INPP5F: variants seen among roughly 807,000 people sequenced by gnomAD.
The protein encoded by INPP5F is inositol polyphosphate-5-phosphatase F, also known as phosphatidylinositide 4-phosphatase SAC2.
In INPP5F, 97 loss-of-function variants were observed where a neutral mutation model predicts 137.2. The observed-to-expected ratio is 0.71, with a 90% CI of 0.60 to 0.84. The LOEUF (loss-of-function observed/expected upper bound fraction) is 0.84. Among genes scored for constraint, INPP5F ranks in the 40% least tolerant of loss-of-function variants. The probability of loss-of-function intolerance (pLI) is 0.00; values close to 1 mark genes in which losing one functional copy is unlikely to be tolerated. For synonymous variants in INPP5F, 504 were observed against 476.9 expected (o/e 1.06, Z -0.74); for missense variants, 1,271 against 1,371.9 (o/e 0.93, Z 1.16).
intron 14 of INPP5F, 114 bp downstream of exon 14, chr10:119,810,331 G>A (rs1288996761): frequency 2.0e-5 from 11 of 562,200 alleles, no homozygotes; most frequent in Non-Finnish European, 1.6e-5. Context: ...TTGTGTTTCT[G>A]TATTGAGCAT....
In INPP5F at chr10:119,807,965, C is replaced by T. The variant is rs1368560362; in HGVS notation, c.1474C>T (p.Pro492Ser). The T allele has an allele frequency of 6.2e-7, 1 of 1,613,692 alleles. No homozygotes were observed. ...KKLGVMPPEQ[P>S]LPVKCNRIYQ... ...ATTAGGTGTGATGCCCCCGGAACAG[C>T]CATTACCTGTGAAATGTAATCGCAT... The change falls in exon 13 of 20, where the codon CCA (proline) becomes TCA (serine). Residue 492 changes from proline (P) to serine (S), a missense_variant. Around this residue, in one of 6 missense-constraint regions of INPP5F, gnomAD observed 593 missense variants for 712.4 expected, o/e 0.83. Transcript: ENST00000650623.
intron 1 of INPP5F, among the ~76,000 whole-genome samples, chr10:119,737,307 C>A (rs573203250): frequency 3.2e-4 from 48 of 152,216 alleles, no homozygotes; most frequent in African/African-American, 1.1e-3. Context: ...GTTGTATGTG[C>A]TACAGGCATC....
Position 119,823,210 on chromosome 10 carries a change from G to A in INPP5F, c.2161+11G>A. ...AAGAGGATGGAAAAGGTAAAAAGAGGAAGAGATGAAAGTATTCAGTGAAAA... is the reference window on the plus strand; with the variant it reads ...AAGAGGATGGAAAAGGTAAAAAGAGAAAGAGATGAAAGTATTCAGTGAAAA... On this transcript the variant is annotated intron_variant, in intron 18 of 19. Transcript: ENST00000650623. 1.2e-6 allele frequency: 2 copies of A among 1,609,894 alleles called. No homozygotes were observed. The highest frequency in any genetic ancestry group is 1.7e-6 in the Non-Finnish European group (2 of 1,178,536).
chr10:119,818,106 C>T (rs1851358974), intron 15 of INPP5F, among the ~76,000 whole-genome samples: 1 of 152,270 alleles, frequency 6.6e-6, no homozygotes, highest in Non-Finnish European at 1.5e-5. Flanking sequence ...CCTGGCCCTT[C>T]TCCCATGCAA....
intron 2 of INPP5F, among the ~76,000 whole-genome samples, chr10:119,773,096 G>T (rs926707326): frequency 6.6e-6 from 1 of 151,898 alleles, no homozygotes. Flanking sequence ...TTACTCTGTT[G>T]CCCAGGATGG....
At chr10:119,764,894 A>G (rs908869585) in intron 2 of INPP5F, among the ~76,000 whole-genome samples, 7 of 151,286 alleles carry the variant, frequency 4.6e-5, no homozygotes, top group African/African-American at 1.7e-4. Context: ...GGTTTTCTTA[A>G]TAACATTTTC....
Position 119,748,329 on chromosome 10 carries a change from C to T in INPP5F, c.98-2747C>T, listed in dbSNP as rs1410900132. Among the ~76,000 whole-genome samples the T allele has an allele frequency of 6.6e-6, 1 of 152,244 alleles. No individual in the cohort carries two copies. The highest frequency in any genetic ancestry group is 1.5e-5 in the Non-Finnish European group (1 of 68,042). ...CAGGAACTGCAGAGCCCCACTGTCA[C>T]AGCCCTGGCTCGGAGAGCCCCTAGG... On this transcript the variant is annotated intron_variant, in intron 1 of 19. Coordinates refer to ENST00000650623, the MANE Select transcript of INPP5F (RefSeq NM_014937.4). The surrounding 1 kb of genome is among the most constrained non-coding windows in gnomAD (Gnocchi z 4.7).
intron 1 of INPP5F, among the ~76,000 whole-genome samples, chr10:119,745,336 C>T (rs550819451): frequency 1.3e-5 from 2 of 151,730 alleles, no homozygotes; most frequent in East Asian, 3.9e-4. Context: ...GTTTTTAAAT[C>T]TTTTTTTGTT....
intron 19 of INPP5F, among the ~76,000 whole-genome samples, chr10:119,825,666 C>T (rs1851728449): frequency 6.6e-6 from 1 of 152,126 alleles, no homozygotes; most frequent in South Asian, 2.1e-4. Context: ...AAACACTAGG[C>T]TTTTGAATTT....
intron 9 of INPP5F, 117 bp from the exon 10 acceptor site, chr10:119,804,056 A>G: frequency 2.9e-6 from 2 of 680,052 alleles, no homozygotes. Flanking sequence ...AAATATTTCT[A>G]ACACATAATT....
At chr10:119,749,220 A>G (rs1281131763) in intron 1 of INPP5F, among the ~76,000 whole-genome samples, 1 of 152,152 alleles carries the variant, frequency 6.6e-6, no homozygotes, top group East Asian at 1.9e-4. Context: ...AGGAATGCCC[A>G]GGTCTGGAGC....
At chr10:119,801,310 C>T (rs968195401) in intron 9 of INPP5F, among the ~76,000 whole-genome samples, 1 of 152,148 alleles carries the variant, frequency 6.6e-6, no homozygotes, top group Admixed American at 6.5e-5. Flanking sequence ...AAAATTAGGT[C>T]ATTTACATAC....
At chr10:119,751,783 T>C (rs1041726510) in intron 2 of INPP5F, among the ~76,000 whole-genome samples, 1 of 152,206 alleles carries the variant, frequency 6.6e-6, no homozygotes, top group Admixed American at 6.5e-5. Context: ...TCTTTTTTGG[T>C]GCCTTACCCT....
intron 3 of INPP5F, among the ~76,000 whole-genome samples, chr10:119,782,212 G>GT (rs1388147663): frequency 1.3e-5 from 2 of 152,192 alleles, no homozygotes; most frequent in Non-Finnish European, 2.9e-5. Flanking sequence ...TACAAAGAAA[G>GT]TTTTTTAAAA....
chr10:119,797,734 C>T, intron 8 of INPP5F, 94 bp downstream of exon 8: 1 of 876,716 alleles, frequency 1.1e-6, no homozygotes, highest in Non-Finnish European at 1.6e-6. Context: ...TTTGCTTTGC[C>T]AGATACTTCT....
intron 2 of INPP5F, among the ~76,000 whole-genome samples, chr10:119,765,399 TCTTG>T (rs1424834453): frequency 1.3e-5 from 2 of 152,058 alleles, no homozygotes; most frequent in Non-Finnish European, 2.9e-5. Context: ...TGAGACAGGG[TCTTG>T]CTTTGTCACA....
chr10:119,768,264 A>C (rs1301665204), intron 2 of INPP5F: 1 of 152,254 alleles, frequency 6.6e-6, no homozygotes, highest in African/African-American at 2.4e-5. Flanking sequence ...GTGGTGGCAC[A>C]TACCTGTAGT....
intron 11 of INPP5F, among the ~76,000 whole-genome samples, chr10:119,805,968 G>T (rs1377585596): frequency 6.6e-6 from 1 of 152,142 alleles, no homozygotes; most frequent in Admixed American, 6.5e-5. Flanking sequence ...CTCCTCACTG[G>T]GGGGTAAAAT....
At chr10:119,783,297 C>G (rs1849768897) in intron 3 of INPP5F, among the ~76,000 whole-genome samples, 1 of 152,152 alleles carries the variant, frequency 6.6e-6, no homozygotes, top group Non-Finnish European at 1.5e-5. Flanking sequence ...ATCAGGATGG[C>G]TTGTTATCAC....
Sources: gnomAD v4.1 joint callset for allele counts (sites outside exome capture counted in the v4.1 genomes callset) on GRCh38, gnomAD v4.1.1 for gene constraint, gnomAD v4.1.1 regional missense constraint, Gnocchi (gnomAD v3.1) non-coding constraint, MANE v1.5 for transcripts, NCBI Gene and HGNC (gene_info 2026-07-23, HGNC 2026-07-21) for gene names.